DNAJC24: variants seen among roughly 807,000 people sequenced by gnomAD.
The protein encoded by DNAJC24 is dnaJ homolog subfamily C member 24.
Under a neutral mutation model 18.0 loss-of-function variants are expected in DNAJC24, and 17 were observed. The observed-to-expected ratio is 0.94, with a 90% confidence interval of 0.65 to 1.42. DNAJC24 has a LOEUF of 1.42. DNAJC24 is among the 40% of genes most tolerant of loss of function. The pLI is 0.00. For missense variants in DNAJC24, 158 were observed against 175.6 expected, an observed-to-expected ratio of 0.90 and a Z score of 0.57; for synonymous variants, 55 against 57.7, an observed-to-expected ratio of 0.95 and a Z score of 0.21.
intron 2 of DNAJC24, among the ~76,000 whole-genome samples, chr11:31,372,782 T>A (rs990131827): frequency 1.5e-5 from 2 of 135,778 alleles, no homozygotes; most frequent in African/African-American, 5.0e-5. Context: ...TTTTTGCAAT[T>A]TTGCCACCAT....
At chr11:31,374,224 G>A in intron 2 of DNAJC24, 1 of 262,656 alleles carries the variant, frequency 3.8e-6, no homozygotes, top group Non-Finnish European at 8.4e-6. Context: ...GCTGTTAGGT[G>A]TATGTTTTTA....
At chr11:31,398,923 C>G (rs1009639432) in intron 2 of DNAJC24, among the ~76,000 whole-genome samples, 4 of 152,160 alleles carry the variant, frequency 2.6e-5, no homozygotes, top group Admixed American at 2.6e-4. Flanking sequence ...AACATCTTTT[C>G]CCTGAACCCA....
At chr11:31,381,364 C>T (rs1952375166) in intron 2 of DNAJC24, among the ~76,000 whole-genome samples, 1 of 151,722 alleles carries the variant, frequency 6.6e-6, no homozygotes, top group Non-Finnish European at 1.5e-5. Context: ...TTGTTGTGTC[C>T]ATGTTATCTA....
chr11:31,399,824 A>G (rs1952583149), intron 2 of DNAJC24, among the ~76,000 whole-genome samples: 1 of 139,734 alleles, frequency 7.2e-6, no homozygotes. Flanking sequence ...TACATGTGCC[A>G]TGGTGGTTTG....
chr11:31,414,483 G>A (rs777386017), intron 2 of DNAJC24, among the ~76,000 whole-genome samples: 1 of 152,146 alleles, frequency 6.6e-6, no homozygotes, highest in Non-Finnish European at 1.5e-5. Flanking sequence ...TGTCCTGCTT[G>A]TCTGCACGTA....
intron 2 of DNAJC24, among the ~76,000 whole-genome samples, chr11:31,397,270 G>C (rs942892699): frequency 2.6e-5 from 4 of 152,114 alleles, no homozygotes; most frequent in Non-Finnish European, 5.9e-5. Context: ...TTTTTTGATG[G>C]ATAAACATTT....
At chr11:31,393,561 C>A (rs930576478) in intron 2 of DNAJC24, among the ~76,000 whole-genome samples, 1 of 152,144 alleles carries the variant, frequency 6.6e-6, no homozygotes, top group South Asian at 2.1e-4. Context: ...CTCTTACTCT[C>A]TCTTGGCCCA....
chr11:31,395,288 G>A (rs1274029707), intron 2 of DNAJC24, among the ~76,000 whole-genome samples: 1 of 152,026 alleles, frequency 6.6e-6, no homozygotes, highest in African/African-American at 2.4e-5. Context: ...CCAGCCTAAC[G>A]TTGATGGGCA....
chr11:31,402,785 C>T (rs368106135), intron 2 of DNAJC24, among the ~76,000 whole-genome samples: 7 of 152,128 alleles, frequency 4.6e-5, no homozygotes, highest in Admixed American at 1.3e-4. Context: ...GCTGGGATTA[C>T]GGGCATGAGC....
chr11:31,431,040 G>C lies in DNAJC24; in HGVS notation c.*639G>C, dbSNP rs950323944. ...TTTAATTTTAATTTCTTTTTTCTAA[G>C]ACAGAGTCTCACTCTGTCGCGCCAG... is the stretch of plus-strand genomic sequence containing the variant. On this transcript the variant is annotated 3_prime_UTR_variant, in exon 5 of 5. Transcript: ENST00000465995. The C allele has an allele frequency of 6.6e-6, 1 of 151,946 alleles. No individual in the cohort carries two copies. The highest frequency in any genetic ancestry group is 1.5e-5 in the Non-Finnish European group (1 of 67,984). The allele number at this position is 151,946 out of a possible 1,614,324, so 9.4% of individuals were successfully genotyped here. A position where few individuals can be genotyped will look rare whatever the true frequency, so the allele number is the denominator to read the frequency against.
chr11:31,372,229 A>AGTCTCACAAGATTTGATGATT (rs1591896148), intron 2 of DNAJC24, among the ~76,000 whole-genome samples: 2 of 138,004 alleles, frequency 1.4e-5, no homozygotes, highest in Non-Finnish European at 1.7e-5. Flanking sequence ...AATGTCTGTA[A>AGTCTCACAAGATTTGATGATT]TTCTATACCG....
chr11:31,388,239 G>T (rs587144), intron 2 of DNAJC24, among the ~76,000 whole-genome samples: 14,527 of 152,032 alleles, frequency 0.096, 1,915 homozygotes, highest in African/African-American at 0.3. Context: ...CCTAGAGGAA[G>T]ATATCAATAT....
chr11:31,419,753 T>C (rs1952785889), intron 3 of DNAJC24, among the ~76,000 whole-genome samples: 1 of 152,064 alleles, frequency 6.6e-6, no homozygotes, highest in South Asian at 2.1e-4. Context: ...AGCTTTCTTA[T>C]TTTTTCCTCA....
intron 2 of DNAJC24, among the ~76,000 whole-genome samples, chr11:31,378,690 C>T (rs1030110395): frequency 2.0e-5 from 3 of 151,358 alleles, no homozygotes; most frequent in African/African-American, 7.3e-5. Context: ...ATAAATGCAG[C>T]AATAATAGAT....
At chr11:31,376,409 A>G in intron 2 of DNAJC24, among the ~76,000 whole-genome samples, 1 of 152,262 alleles carries the variant, frequency 6.6e-6, no homozygotes, top group East Asian at 1.9e-4. Context: ...TATAATCATA[A>G]TTATGGCCAT....
intron 4 of DNAJC24, among the ~76,000 whole-genome samples, chr11:31,429,099 C>G (rs1164650417): frequency 6.6e-6 from 1 of 151,676 alleles, no homozygotes; most frequent in East Asian, 1.9e-4. Flanking sequence ...TAGATGTTGG[C>G]TTAGACAGGG....
chr11:31,370,792 T>C lies in DNAJC24; in HGVS notation c.44T>C (p.Ile15Thr), dbSNP rs1952226264. The C allele has an allele frequency of 6.2e-7, 1 of 1,613,272 alleles. No homozygotes were observed. Among genetic ancestry groups the C allele is most frequent in the African/African-American group, 1.3e-5 (1 of 74,884 alleles). Residue 15 changes from isoleucine (I) to threonine (T), a missense_variant, in exon 2 of 5, where the codon ATC (isoleucine) becomes ACC (threonine). Transcript: ENST00000465995. ...EQMPKKDWYSILGADPSANIS... is the reference protein window; with the variant it reads ...EQMPKKDWYSTLGADPSANIS... ...ATGCCAAAAAAGGATTGGTACAGCA[T>C]CCTGGGAGCAGACCCATCTGCAAAT... is the stretch of plus-strand genomic sequence containing the variant.
chr11:31,400,498 C>A (rs1215500912), intron 2 of DNAJC24, among the ~76,000 whole-genome samples: 1 of 152,142 alleles, frequency 6.6e-6, no homozygotes, highest in African/African-American at 2.4e-5. Flanking sequence ...CTACAGTAAC[C>A]AAAACAGCAT....
At chr11:31,379,950 A>G (rs751832764) in intron 2 of DNAJC24, among the ~76,000 whole-genome samples, 5 of 151,666 alleles carry the variant, frequency 3.3e-5, no homozygotes, top group Non-Finnish European at 5.9e-5. Context: ...TTGTATTTTT[A>G]GTAGAGACAG....
Sources: gnomAD v4.1 joint callset for allele counts (sites outside exome capture counted in the v4.1 genomes callset) on GRCh38, gnomAD v4.1.1 for gene constraint, MANE v1.5 for transcripts, NCBI Gene and HGNC (gene_info 2026-07-23, HGNC 2026-07-21) for gene names.